Variants in ADK observed in about 807,000 individuals in gnomAD.
ADK encodes N6,N6-dimethyladenosine kinase.
Under a neutral mutation model 44.7 loss-of-function variants are expected in ADK, and 24 were observed. The observed-to-expected ratio is 0.54, with a 90% CI of 0.39 to 0.76. The LOEUF (loss-of-function observed/expected upper bound fraction) is 0.76, where lower values mean the gene tolerates loss of function less well. Ranked by LOEUF, ADK falls within the 30% of genes least tolerant of loss-of-function variation. The pLI, the probability that ADK is intolerant of heterozygous loss-of-function variation, is 0.00. For synonymous variants in ADK, 128 were observed against 142.6 expected, an observed-to-expected ratio of 0.90 and a Z score of 0.73; for missense variants, 321 against 425.1, an observed-to-expected ratio of 0.76 and a Z score of 2.15.
intron 4 of ADK, among the ~76,000 whole-genome samples, chr10:74,320,682 T>G (rs1403928839): frequency 6.6e-6 from 1 of 152,156 alleles, no homozygotes; most frequent in Non-Finnish European, 1.5e-5. Context: ...AACACCATGG[T>G]GAGTAAGCAA....
chr10:74,341,418 C>T (rs550764938), intron 4 of ADK, among the ~76,000 whole-genome samples: 20 of 150,246 alleles, frequency 1.3e-4, no homozygotes, highest in African/African-American at 4.2e-4. Context: ...CCTAGCTACT[C>T]GGGAGGCTGA....
chr10:74,595,406 G>GTCACCCA (rs1851874574), intron 8 of ADK, among the ~76,000 whole-genome samples: 1 of 106,218 alleles, frequency 9.4e-6, no homozygotes, highest in African/African-American at 3.7e-5. Flanking sequence ...GAGGGGGTTT[G>GTCACCCA]GCTTTGTCAC....
chr10:74,607,369 C>G (rs1589292725), intron 9 of ADK, among the ~76,000 whole-genome samples: 1 of 152,080 alleles, frequency 6.6e-6, no homozygotes, highest in Admixed American at 6.6e-5. Flanking sequence ...TGGCTGGTAC[C>G]AGTTTTTCCT....
At chr10:74,448,948 T>A (rs543851632) in intron 6 of ADK, among the ~76,000 whole-genome samples, 2 of 152,118 alleles carry the variant, frequency 1.3e-5, no homozygotes, top group South Asian at 4.1e-4. Flanking sequence ...AATGTATTAG[T>A]ATAATTTGAA....
At chr10:74,160,010 T>C (rs1591791094) in intron 1 of ADK, among the ~76,000 whole-genome samples, 1 of 152,320 alleles carries the variant, frequency 6.6e-6, no homozygotes, top group East Asian at 1.9e-4. Flanking sequence ...AGTTCTCAAC[T>C]CCAAGCCAAA....
At chr10:74,334,929 C>A (rs183803562) in intron 4 of ADK, among the ~76,000 whole-genome samples, 16 of 152,152 alleles carry the variant, frequency 1.1e-4, no homozygotes, top group Non-Finnish European at 1.8e-4. Context: ...GGAGGCTTTC[C>A]TTAAGTGTCT....
At chr10:74,652,116 A>G (rs1173739571) in intron 9 of ADK, among the ~76,000 whole-genome samples, 1 of 150,980 alleles carries the variant, frequency 6.6e-6, no homozygotes, top group Non-Finnish European at 1.5e-5. Context: ...TCTTGGCTCA[A>G]CTGCAACCTC....
At chr10:74,595,634 C>G (rs1372427907) in intron 8 of ADK, among the ~76,000 whole-genome samples, 1 of 150,896 alleles carries the variant, frequency 6.6e-6, no homozygotes, top group African/African-American at 2.4e-5. Context: ...CCTCCGTCTC[C>G]CAAAGTGGTG....
At chr10:74,442,266 G>C (rs1261605045) in intron 6 of ADK, among the ~76,000 whole-genome samples, 1 of 151,980 alleles carries the variant, frequency 6.6e-6, no homozygotes, top group Non-Finnish European at 1.5e-5. Context: ...ATGTAAATTG[G>C]CACAGAGATT....
chr10:74,156,426 C>T (rs998869168), intron 1 of ADK, among the ~76,000 whole-genome samples: 1 of 152,096 alleles, frequency 6.6e-6, no homozygotes, highest in Non-Finnish European at 1.5e-5. Flanking sequence ...CTAGACTGGC[C>T]TGGGCAACAT....
At chr10:74,177,703 T>C (rs760670252) in intron 1 of ADK, among the ~76,000 whole-genome samples, 3 of 152,040 alleles carry the variant, frequency 2.0e-5, no homozygotes, top group Non-Finnish European at 2.9e-5. Flanking sequence ...GGCTTTGTTG[T>C]CCCAGAGAAA....
At chr10:74,165,607 C>T (rs2132044765) in intron 1 of ADK, among the ~76,000 whole-genome samples, 1 of 152,010 alleles carries the variant, frequency 6.6e-6, no homozygotes, top group Middle Eastern at 3.4e-3. Context: ...AGGAAACAGA[C>T]CCCCGAGAGG....
chr10:74,685,345 A>G (rs1000293226), intron 10 of ADK, among the ~76,000 whole-genome samples: 1 of 152,228 alleles, frequency 6.6e-6, no homozygotes, highest in East Asian at 1.9e-4. Flanking sequence ...AAAAATTATG[A>G]TATCTCTGGG....
intron 1 of ADK, among the ~76,000 whole-genome samples, chr10:74,198,983 G>A (rs1843263865): frequency 6.6e-6 from 1 of 152,130 alleles, no homozygotes; most frequent in African/African-American, 2.4e-5. Flanking sequence ...AAAAGTTTTA[G>A]CTAGACATTT....
At chr10:74,388,827 CTG>C (rs35927711) in intron 4 of ADK, among the ~76,000 whole-genome samples, 72,280 of 151,840 alleles carry the variant, frequency 0.48, 19,845 homozygotes, top group Non-Finnish European at 0.62. Flanking sequence ...AAGGGTTACT[CTG>C]TAGATTTCAA....
At chr10:74,563,509 C>T (rs947153238) in intron 7 of ADK, among the ~76,000 whole-genome samples, 5 of 152,172 alleles carry the variant, frequency 3.3e-5, no homozygotes, top group Non-Finnish European at 7.3e-5. Context: ...ACATAGAGCA[C>T]ATACAATAGG....
intron 8 of ADK, among the ~76,000 whole-genome samples, chr10:74,589,625 C>G (rs1036607724): frequency 1.3e-5 from 2 of 152,156 alleles, no homozygotes; most frequent in African/African-American, 4.8e-5. Flanking sequence ...TCAGTTTGTT[C>G]AGTTAAAAAG....
chr10:74,195,703 C>CTTT (rs1162827373), intron 1 of ADK, among the ~76,000 whole-genome samples: 1 of 105,976 alleles, frequency 9.4e-6, no homozygotes, highest in Non-Finnish European at 2.1e-5. Context: ...TTTTTCTTTT[C>CTTT]TTTCTTTTTT....
intron 9 of ADK, among the ~76,000 whole-genome samples, chr10:74,658,012 T>C (rs370470573): frequency 2.6e-5 from 4 of 152,284 alleles, no homozygotes; most frequent in African/African-American, 9.6e-5. Flanking sequence ...TGGGACATCA[T>C]GAGTATGACC....
Sources: gnomAD v4.1 joint callset for allele counts (sites outside exome capture counted in the v4.1 genomes callset) on GRCh38, gnomAD v4.1.1 for gene constraint, MANE v1.5 for transcripts, NCBI Gene and HGNC (gene_info 2026-07-23, HGNC 2026-07-21) for gene names.